ELMOD3: variants seen among roughly 807,000 people sequenced by gnomAD.
The protein encoded by ELMOD3 is ELMO domain containing 3, also known as ELMO domain-containing protein 3.
Under a neutral mutation model 47.4 loss-of-function variants are expected in ELMOD3, and 36 were observed. The observed-to-expected ratio is 0.76, with a 90% CI of 0.58 to 1.00. The LOEUF is 1.00. Among genes scored for constraint, ELMOD3 ranks in the 50% least tolerant of loss-of-function variants. The probability of loss-of-function intolerance (pLI) is 0.00; values close to 1 mark genes in which losing one functional copy is unlikely to be tolerated. For synonymous variants in ELMOD3, 149 were observed against 183.5 expected (o/e 0.81, Z 1.52); for missense variants, 404 against 463.8 (o/e 0.87, Z 1.18).
chr2:85,366,554 C>T (rs1387546353), intron 6 of ELMOD3, among the ~76,000 whole-genome samples: 5 of 152,150 alleles, frequency 3.3e-5, no homozygotes, highest in African/African-American at 4.8e-5. Context: ...ATTTGGGCCA[C>T]GTGCTCTCCT....
chr2:85,365,356 A>AT (rs1684308968), intron 6 of ELMOD3, among the ~76,000 whole-genome samples: 1 of 150,772 alleles, frequency 6.6e-6, no homozygotes, highest in Non-Finnish European at 1.5e-5. Flanking sequence ...TCTCAAAAAA[A>AT]AATATATATA....
chr2:85,381,526 TTTA>T (rs1480090878), intron 11 of ELMOD3, among the ~76,000 whole-genome samples: 1 of 152,256 alleles, frequency 6.6e-6, no homozygotes, highest in African/African-American at 2.4e-5. Context: ...CTTTATAACC[TTTA>T]TTAAGGGGCT....
At position 85,377,485 on chromosome 2, in the gene ELMOD3, G is replaced by A. The variant is rs201368759; in HGVS notation, c.738+11G>A. The A allele has an allele frequency of 6.2e-6, 10 of 1,603,534 alleles. No individual in the cohort carries two copies. The highest frequency in any genetic ancestry group is 2.2e-5 in the East Asian group (1 of 44,582). On this transcript the variant is annotated intron_variant, in intron 11 of 13. Coordinates refer to ENST00000409013, the MANE Select transcript of ELMOD3 (RefSeq NM_001135022.2). ...CGTCACCACATCCAGGTGAGACTTT[G>A]GTGGGAAGCCAGAGGAAAGGAAAGG...
Position 85,376,680 on chromosome 2 carries a change from G to C in ELMOD3, c.608-664G>C, listed in dbSNP as rs1685186183. On this transcript the variant is annotated intron_variant, in intron 10 of 13. Coordinates refer to ENST00000409013, the MANE Select transcript of ELMOD3 (RefSeq NM_001135022.2). The surrounding 1 kb of genome is among the most constrained non-coding windows in gnomAD (Gnocchi z 4.2). ...TTTTCTGGAGAAGAGTGGGGATGGGGCCACATTTTTCTCTGTGGTGTTTTG... is the reference window on the plus strand; with the variant it reads ...TTTTCTGGAGAAGAGTGGGGATGGGCCCACATTTTTCTCTGTGGTGTTTTG... Among the ~76,000 whole-genome samples, 1 of 152,166 alleles carries C rather than the reference G, an allele frequency of 6.6e-6. No homozygotes were observed. The highest frequency in any genetic ancestry group is 6.5e-5 in the Admixed American group (1 of 15,282).
chr2:85,373,326 T>C (rs1684935332), intron 10 of ELMOD3, among the ~76,000 whole-genome samples: 1 of 152,200 alleles, frequency 6.6e-6, no homozygotes. Flanking sequence ...TATGGCAACA[T>C]GGTTAAGTCC....
At chr2:85,366,934 T>C (rs1286635980) in intron 6 of ELMOD3, among the ~76,000 whole-genome samples, 2 of 152,168 alleles carry the variant, frequency 1.3e-5, no homozygotes, top group African/African-American at 4.8e-5. Context: ...ACATTGTTGA[T>C]GTCCTCTGTA....
intron 10 of ELMOD3, among the ~76,000 whole-genome samples, chr2:85,375,376 T>G (rs1685099557): frequency 6.6e-6 from 1 of 152,310 alleles, no homozygotes; most frequent in African/African-American, 2.4e-5. Flanking sequence ...TTCATTTTGG[T>G]TTTTGTTTTT....
At chr2:85,382,121 A>C (rs1685593717) in intron 11 of ELMOD3, among the ~76,000 whole-genome samples, 1 of 146,676 alleles carries the variant, frequency 6.8e-6, no homozygotes, top group Non-Finnish European at 1.5e-5. Flanking sequence ...CTTCTCAAAA[A>C]AAAAAAAAAA....
intron 4 of ELMOD3, 48 bp downstream of exon 4, chr2:85,357,300 A>T: frequency 8.4e-7 from 1 of 1,195,916 alleles, no homozygotes; most frequent in Non-Finnish European, 1.2e-6. Flanking sequence ...TTTGAGATAT[A>T]TCATTAAGTA....
rs559370984 is a variant in ELMOD3, at chr2:85,384,440, G to T, written c.739-5311G>T. On this transcript the variant is annotated intron_variant, in intron 11 of 13. Coordinates refer to ENST00000409013, the MANE Select transcript of ELMOD3 (RefSeq NM_001135022.2). ...AGAGTTAGCCTCCACGGGCCCAAGA[G>T]GAGGAGATGGACCTCCATGGGTTAT... 1.4e-3 allele frequency among the ~76,000 whole-genome samples: 215 copies of T among 152,276 alleles called. 1 individual carries two copies. Among genetic ancestry groups the T allele is most frequent in the African/African-American group, 4.7e-3 (195 of 41,550 alleles).
chr2:85,355,688 CG>C, intron 3 of ELMOD3, 90 bp downstream of exon 3: 1 of 152,308 alleles, frequency 6.6e-6, no homozygotes, highest in South Asian at 2.1e-4. Flanking sequence ...TTACCATACC[CG>C]CCTGTCACCT....
intron 11 of ELMOD3, among the ~76,000 whole-genome samples, chr2:85,381,134 A>G (rs1308633617): frequency 1.3e-5 from 2 of 152,230 alleles, no homozygotes; most frequent in East Asian, 1.9e-4. Flanking sequence ...TATAATTTTT[A>G]TACCAAATAA....
chr2:85,360,678 ATT>A, intron 4 of ELMOD3: 1 of 166,660 alleles, frequency 6.0e-6, no homozygotes, highest in Non-Finnish European at 1.3e-5. Context: ...TGCCTTAATG[ATT>A]TTTTTTTTCT....
chr2:85,360,561 G>T (rs1407836454), intron 4 of ELMOD3, among the ~76,000 whole-genome samples: 1 of 152,002 alleles, frequency 6.6e-6, no homozygotes, highest in East Asian at 1.9e-4. Flanking sequence ...CACCATGTTG[G>T]CCAGGCTAGT....
intron 8 of ELMOD3, 53 bp from the exon 9 acceptor site, chr2:85,371,033 G>C: frequency 6.3e-7 from 1 of 1,591,404 alleles, no homozygotes; most frequent in Middle Eastern, 1.7e-4. Flanking sequence ...ATGGGAAGTT[G>C]ATTAAGGGAA....
chr2:85,387,959 A>G (rs757307492), intron 11 of ELMOD3, among the ~76,000 whole-genome samples: 15 of 152,168 alleles, frequency 9.9e-5, no homozygotes, highest in African/African-American at 2.4e-5. Flanking sequence ...TCATTCTTCC[A>G]CTGCCAAATT....
At position 85,369,784 on chromosome 2, in the gene ELMOD3, G is replaced by C. The variant is rs1372138266; in HGVS notation, c.314G>C (p.Ser105Thr). 6.2e-7 allele frequency: 1 copy of C among 1,613,992 alleles called. No homozygotes were observed. Among genetic ancestry groups the C allele is most frequent in the Non-Finnish European group, 8.5e-7 (1 of 1,179,986 alleles). The change falls in exon 8 of 14, where the codon AGT (serine) becomes ACT (threonine). Residue 105 changes from serine (S) to threonine (T), a missense_variant. Physicochemically the swap from Ser to Thr is moderately conservative, Grantham distance 58. Coordinates refer to ENST00000409013, the MANE Select transcript of ELMOD3 (RefSeq NM_001135022.2). ...CAGCCTGGGCAGCTAATCTCCTTCA[G>C]TGAGGCCCTGCAGCACTTCCAGACT... ...SEQPGQLISF[S>T]EALQHFQTVD... is the part of the protein sequence containing the mutation.
Position 85,371,530 on chromosome 2 carries a change from A to T in ELMOD3, c.575A>T (p.His192Leu), listed in dbSNP as rs747562452. The change falls in exon 10 of 14, where the codon CAT (histidine) becomes CTT (leucine). Residue 192 changes from histidine (H) to leucine (L), a missense_variant. Coordinates refer to ENST00000409013, the MANE Select transcript of ELMOD3 (RefSeq NM_001135022.2). ...LTGSKFDCALHGNHWEDLGFQ... is the reference protein window; with the variant it reads ...LTGSKFDCALLGNHWEDLGFQ... ...GGCTCCAAGTTTGACTGTGCCCTTC[A>T]TGGAAACCACTGGGAGGACCTGGGC... The T allele has an allele frequency of 5.0e-6, 8 of 1,614,222 alleles. No individual in the cohort carries two copies. In the South Asian group the frequency reaches 8.8e-5, roughly 18 times the overall value.
rs529561514 is a variant in ELMOD3, at chr2:85,362,223, A to G, written c.92A>G (p.Asp31Gly). ...TCTGCTGGATATTCTCCATCATATGACAAGGACAAGAGTGTTCTGGCTTTC... is the reference window on the plus strand; with the variant it reads ...TCTGCTGGATATTCTCCATCATATGGCAAGGACAAGAGTGTTCTGGCTTTC... Reference protein sequence around the residue: ...RLSAGYSPSYDKDKSVLAFRG... With the variant: ...RLSAGYSPSYGKDKSVLAFRG... Residue 31 changes from aspartate to glycine, a missense_variant, in exon 5 of 14, where the codon GAC (aspartate) becomes GGC (glycine). Transcript: ENST00000409013. The G allele has an allele frequency of 6.2e-7, 1 of 1,608,354 alleles. No homozygotes were observed. The highest frequency in any genetic ancestry group is 2.2e-5 in the East Asian group (1 of 44,842).
Sources: allele counts gnomAD v4.1 joint callset (sites outside exome capture counted in the v4.1 genomes callset), GRCh38; gene constraint gnomAD v4.1.1; non-coding constraint Gnocchi (gnomAD v3.1); transcripts MANE v1.5; gene names NCBI Gene and HGNC (gene_info 2026-07-23, HGNC 2026-07-21).